The following C3orf20 variants were observed in gnomAD, a reference collection of about 807,000 sequenced individuals.
C3orf20 encodes the protein uncharacterized protein C3orf20.
C3orf20 carries 76 observed loss-of-function variants against 88.3 expected under a neutral mutation model. The observed-to-expected ratio is 0.86, with a 90% CI of 0.72 to 1.04. C3orf20 has a LOEUF of 1.04. C3orf20 is among the 50% of genes least tolerant of loss of function. C3orf20 has a pLI of 0.00. For missense variants in C3orf20, 1,056 were observed against 1,123.3 expected (o/e 0.94, Z 0.86); for synonymous variants, 436 against 437.4 (o/e 1.00, Z 0.04).
chr3:14,761,331 C>G (rs2035555987), intron 14 of C3orf20, 142 bp from the exon 15 acceptor site: 3 of 959,022 alleles, frequency 3.1e-6, no homozygotes, highest in Non-Finnish European at 4.7e-6. Context: ...CCTTCCCCAG[C>G]CACCCCAGGC....
chr3:14,722,400 C>T (rs893908464), intron 10 of C3orf20: 2 of 445,530 alleles, frequency 4.5e-6, no homozygotes, highest in African/African-American at 4.0e-5. Flanking sequence ...ATCCTGGGGG[C>T]CAATGTGTCA....
chr3:14,710,149 A>G (rs1201550478), intron 7 of C3orf20, among the ~76,000 whole-genome samples: 1 of 151,412 alleles, frequency 6.6e-6, no homozygotes, highest in Non-Finnish European at 1.5e-5. Flanking sequence ...TTTATGGTGT[A>G]CAGCTATTCA....
intron 4 of C3orf20, among the ~76,000 whole-genome samples, chr3:14,684,964 C>T (rs1185390083): frequency 3.3e-5 from 5 of 152,082 alleles, no homozygotes; most frequent in Non-Finnish European, 5.9e-5. Flanking sequence ...CAGTAGGATC[C>T]CTTGAGTCCA....
chr3:14,710,442 T>C (rs894474750), intron 7 of C3orf20, among the ~76,000 whole-genome samples: 1 of 152,196 alleles, frequency 6.6e-6, no homozygotes, highest in African/African-American at 2.4e-5. Flanking sequence ...AATTGGGTTA[T>C]TGATTTGAGA....
At chr3:14,694,243 T>C (rs1280062662) in intron 5 of C3orf20, among the ~76,000 whole-genome samples, 1 of 152,224 alleles carries the variant, frequency 6.6e-6, no homozygotes, top group Non-Finnish European at 1.5e-5. Flanking sequence ...TCCTCTATTT[T>C]TCAGAAAAGT....
chr3:14,746,963 AAAC>A (rs768817327), intron 12 of C3orf20, among the ~76,000 whole-genome samples: 8 of 152,256 alleles, frequency 5.3e-5, no homozygotes, highest in Non-Finnish European at 8.8e-5. Flanking sequence ...GCAATTAACT[AAAC>A]AAATCAAAGG....
chr3:14,721,774 A>G lies in C3orf20; in HGVS notation c.1556A>G (p.Tyr519Cys). ...SANNCPHGMA[Y>C]DKRLNRRISN... ...AACAATTGTCCCCATGGAATGGCATATGACAAACGGGTAAGGCAAGGCAGA... is the reference window on the plus strand; with the variant it reads ...AACAATTGTCCCCATGGAATGGCATGTGACAAACGGGTAAGGCAAGGCAGA... The change falls in exon 10 of 17, where the codon TAT (tyrosine) becomes TGT (cysteine). Residue 519 changes from tyrosine (Y) to cysteine (C), a missense_variant. Coordinates refer to ENST00000253697, the MANE Select transcript of C3orf20 (RefSeq NM_032137.5). The G allele has an allele frequency of 6.2e-7, 1 of 1,614,174 alleles. No individual in the cohort carries two copies. The highest frequency in any genetic ancestry group is 8.5e-7 in the Non-Finnish European group (1 of 1,180,014).
At chr3:14,710,437 G>A (rs945289361) in intron 7 of C3orf20, among the ~76,000 whole-genome samples, 3 of 151,828 alleles carry the variant, frequency 2.0e-5, no homozygotes, top group Admixed American at 6.6e-5. Flanking sequence ...TAGAAAATTG[G>A]GTTATTGATT....
intron 9 of C3orf20, among the ~76,000 whole-genome samples, chr3:14,716,801 G>A (rs1295357050): frequency 1.3e-5 from 2 of 152,054 alleles, no homozygotes; most frequent in African/African-American, 4.8e-5. Flanking sequence ...GTCACCTCTG[G>A]GACTTTTTAT....
At chr3:14,726,216 C>T (rs2034339469) in intron 10 of C3orf20, among the ~76,000 whole-genome samples, 2 of 152,224 alleles carry the variant, frequency 1.3e-5, no homozygotes, top group South Asian at 4.1e-4. Context: ...CTCAGCGATC[C>T]CGTGGGGAGC....
chr3:14,689,772 T>C (rs2032621248), intron 4 of C3orf20, among the ~76,000 whole-genome samples: 1 of 151,786 alleles, frequency 6.6e-6, no homozygotes, highest in African/African-American at 2.4e-5. Flanking sequence ...CTTGAGAGGG[T>C]TGGGGAGGAG....
chr3:14,715,762 T>C (rs1268837160), intron 9 of C3orf20, among the ~76,000 whole-genome samples: 1 of 152,234 alleles, frequency 6.6e-6, no homozygotes, highest in African/African-American at 2.4e-5. Context: ...TTAATGCCTA[T>C]GTGTGGCAAT....
At chr3:14,677,918 C>T (rs530331111) in intron 1 of C3orf20, among the ~76,000 whole-genome samples, 4 of 152,016 alleles carry the variant, frequency 2.6e-5, no homozygotes, top group East Asian at 1.9e-4. Flanking sequence ...CTTCCCTCCA[C>T]GCTGCCAGCA....
rs563098203 is a variant in C3orf20 at position 14,767,839 on chromosome 3, T to C, written c.2496-4228T>C. On this transcript the variant is annotated intron_variant, in intron 15 of 16. Transcript: ENST00000253697. ...CAGCAGAGCACTCCGTAAGCTACTG[T>C]GAGCCCCGTAAAGTGCTCTCTAAAC... 5.9e-5 allele frequency among the ~76,000 whole-genome samples: 9 copies of C among 152,374 alleles called. No individual in the cohort carries two copies. The South Asian group carries it at 1.9e-3, about 32-fold the overall frequency.
intron 13 of C3orf20, among the ~76,000 whole-genome samples, chr3:14,759,468 A>T (rs986341258): frequency 2.0e-5 from 3 of 151,972 alleles, no homozygotes; most frequent in Non-Finnish European, 4.4e-5. Context: ...GCTTGCCAGG[A>T]GTGGGTAGGG....
At chr3:14,689,878 C>A (rs544547536) in intron 4 of C3orf20, 119 bp from the exon 5 acceptor site, 352 of 1,309,432 alleles carry the variant, frequency 2.7e-4, no homozygotes, top group Non-Finnish European at 3.6e-4. Context: ...TGTAACAATG[C>A]GGCACTTTAC....
At chr3:14,770,363 T>C (rs2035826677) in intron 15 of C3orf20, among the ~76,000 whole-genome samples, 1 of 152,190 alleles carries the variant, frequency 6.6e-6, no homozygotes, top group Non-Finnish European at 1.5e-5. Context: ...TCTTGGTGTT[T>C]AGTTTTTCTA....
Position 14,772,606 on chromosome 3 carries a change from A to G in C3orf20, c.2631-185A>G, listed in dbSNP as rs772866418. Among the ~76,000 whole-genome samples the G allele has an allele frequency of 3.9e-5, 6 of 152,230 alleles. No homozygotes were observed. The highest frequency in any genetic ancestry group is 3.3e-4 in the Admixed American group (5 of 15,292). On this transcript the variant is annotated intron_variant, in intron 16 of 16. Transcript: ENST00000253697. The surrounding 1 kb of genome is among the most constrained non-coding windows in gnomAD (Gnocchi z 4.2). ...ATCACATATTTCTCATGAAGATAGA[A>G]AAGCAAAATTAGGAGCATGTAGAAA...
At chr3:14,678,933 G>A (rs2031937382) in intron 1 of C3orf20, among the ~76,000 whole-genome samples, 1 of 152,198 alleles carries the variant, frequency 6.6e-6, no homozygotes, top group Admixed American at 6.5e-5. Context: ...GGCCCTGCAA[G>A]ATCTGATTCT....
Sources: gnomAD v4.1 joint callset for allele counts (sites outside exome capture counted in the v4.1 genomes callset) on GRCh38, gnomAD v4.1.1 for gene constraint, Gnocchi (gnomAD v3.1) non-coding constraint, MANE v1.5 for transcripts, NCBI Gene and HGNC (gene_info 2026-07-23, HGNC 2026-07-21) for gene names.